RNF180: variants seen among roughly 807,000 people sequenced by gnomAD.
RNF180 encodes ring finger protein 180, also known as E3 ubiquitin-protein ligase RNF180.
RNF180 carries 38 observed loss-of-function variants against 59.2 expected under a neutral mutation model. That is an observed-to-expected ratio of 0.64 (90% CI 0.50 to 0.84). RNF180 has a LOEUF of 0.84. Among genes scored for constraint, RNF180 ranks in the 40% least tolerant of loss-of-function variants. RNF180 has a pLI of 0.00. For synonymous variants in RNF180, 262 were observed against 240.3 expected, an observed-to-expected ratio of 1.09 and a Z score of -0.84; for missense variants, 705 against 700.9, an observed-to-expected ratio of 1.01 and a Z score of -0.07.
intron 1 of RNF180, among the ~76,000 whole-genome samples, chr5:64,185,204 A>G (rs1328868377): frequency 3.9e-5 from 6 of 152,222 alleles, no homozygotes; most frequent in Non-Finnish European, 5.9e-5. Context: ...CTTCACTGCT[A>G]TCACCTTAAT....
intron 7 of RNF180, among the ~76,000 whole-genome samples, chr5:64,346,629 C>T (rs1365789549): frequency 6.6e-6 from 1 of 152,034 alleles, no homozygotes; most frequent in Non-Finnish European, 1.5e-5. Context: ...CTCGGCCTCC[C>T]AAAGTGCTGG....
At chr5:64,347,761 T>C (rs945009213) in intron 7 of RNF180, among the ~76,000 whole-genome samples, 2 of 152,146 alleles carry the variant, frequency 1.3e-5, no homozygotes, top group Non-Finnish European at 2.9e-5. Context: ...AGTTTAGAAG[T>C]TGAAATCTTT....
intron 5 of RNF180, among the ~76,000 whole-genome samples, chr5:64,313,485 T>G (rs990314962): frequency 1.3e-5 from 2 of 152,158 alleles, no homozygotes; most frequent in Non-Finnish European, 2.9e-5. Flanking sequence ...AAGGACATGA[T>G]CTCATTCTTT....
At chr5:64,217,294 A>C in intron 4 of RNF180, 67 bp from the exon 5 acceptor site, 1 of 1,318,340 alleles carries the variant, frequency 7.6e-7, no homozygotes, top group East Asian at 2.8e-5. Context: ...TTTGCAAATT[A>C]TGAATAGAAC....
At chr5:64,264,473 A>G (rs1369566315) in intron 5 of RNF180, among the ~76,000 whole-genome samples, 1 of 151,980 alleles carries the variant, frequency 6.6e-6, no homozygotes, top group Admixed American at 6.6e-5. Context: ...GAGTGAGAAC[A>G]TGCAGTGTTT....
At chr5:64,349,987 C>T (rs987011965) in intron 7 of RNF180, among the ~76,000 whole-genome samples, 8 of 152,146 alleles carry the variant, frequency 5.3e-5, no homozygotes, top group Non-Finnish European at 1.5e-5. Flanking sequence ...TGAGGAATCA[C>T]CACATTGTCT....
intron 5 of RNF180, among the ~76,000 whole-genome samples, chr5:64,287,966 A>T (rs1166369920): frequency 3.3e-5 from 5 of 152,154 alleles, no homozygotes; most frequent in Non-Finnish European, 7.4e-5. Flanking sequence ...TTCATCATGA[A>T]ATCTTTACCC....
chr5:64,346,712 A>T (rs555617378), intron 7 of RNF180, among the ~76,000 whole-genome samples: 1 of 152,010 alleles, frequency 6.6e-6, no homozygotes, highest in Non-Finnish European at 1.5e-5. Context: ...CTAAGTCCCA[A>T]TGCCCAGGCC....
chr5:64,251,540 A>T (rs1389793019), intron 5 of RNF180, among the ~76,000 whole-genome samples: 1 of 152,174 alleles, frequency 6.6e-6, no homozygotes, highest in African/African-American at 2.4e-5. Context: ...CTCCTGCCTC[A>T]GCCTTCTGAG....
intron 1 of RNF180, among the ~76,000 whole-genome samples, chr5:64,187,555 C>G (rs1473478807): frequency 6.6e-6 from 1 of 152,106 alleles, no homozygotes; most frequent in South Asian, 2.1e-4. Flanking sequence ...TCGTGTTGGA[C>G]AGTTTAAGTT....
intron 1 of RNF180, among the ~76,000 whole-genome samples, chr5:64,193,645 T>C (rs1751297278): frequency 6.6e-6 from 1 of 152,210 alleles, no homozygotes; most frequent in Non-Finnish European, 1.5e-5. Context: ...CAAGGGCTGG[T>C]ACTGTTTATC....
At chr5:64,208,800 G>A (rs1752158759) in intron 2 of RNF180, among the ~76,000 whole-genome samples, 1 of 151,592 alleles carries the variant, frequency 6.6e-6, no homozygotes, top group Non-Finnish European at 1.5e-5. Context: ...AGGAGATGAA[G>A]GTATACTTTA....
At chr5:64,254,789 C>A (rs188697169) in intron 5 of RNF180, among the ~76,000 whole-genome samples, 92 of 152,278 alleles carry the variant, frequency 6.0e-4, no homozygotes, top group African/African-American at 2.2e-3. Flanking sequence ...GTGCAGGAGA[C>A]TTTCATTCCT....
rs571297983 is a variant in RNF180, at chr5:64,339,894, T to C, written c.1579+9488T>C. Among the ~76,000 whole-genome samples the C allele has an allele frequency of 2.0e-5, 3 of 152,280 alleles. No homozygotes were observed. The South Asian group carries it at 6.2e-4, about 32-fold the overall frequency. ...TTCTTACAAATACATATTTCATGTA[T>C]TAACACATAAAATGGGTAATAAGAA... On this transcript the variant is annotated intron_variant, in intron 7 of 7. Transcript: ENST00000389100.
In RNF180 at chr5:64,372,583, A is replaced by G. The variant is rs1746691063; in HGVS notation, c.*2769A>G. On this transcript the variant is annotated 3_prime_UTR_variant, in exon 8 of 8. Coordinates refer to ENST00000389100, the MANE Select transcript of RNF180 (RefSeq NM_001113561.2). ...GTCTTTTGTATGGCTAAATGAATAT[A>G]CAGATTCTTAAACATCTAATTTTTA... is the stretch of plus-strand genomic sequence containing the variant. The G allele has an allele frequency of 6.6e-6, 1 of 151,958 alleles. No homozygotes were observed. The highest frequency in any genetic ancestry group is 1.5e-5 in the Non-Finnish European group (1 of 67,912). The allele number at this position is 151,958 out of a possible 1,614,324, so 9.4% of individuals were successfully genotyped here. A position where few individuals can be genotyped will look rare whatever the true frequency, so the allele number is the denominator to read the frequency against.
At chr5:64,216,744 A>G (rs1752650978) in intron 4 of RNF180, among the ~76,000 whole-genome samples, 1 of 152,212 alleles carries the variant, frequency 6.6e-6, no homozygotes, top group Non-Finnish European at 1.5e-5. Context: ...AGCAAAAGTT[A>G]ATTGAGCATC....
intron 1 of RNF180, among the ~76,000 whole-genome samples, chr5:64,183,441 C>CTTTTTT (rs367772828): frequency 2.2e-5 from 2 of 89,912 alleles, no homozygotes; most frequent in Non-Finnish European, 2.1e-5. Flanking sequence ...GAAAGTATAC[C>CTTTTTT]TTTTTTTTTT....
intron 5 of RNF180, among the ~76,000 whole-genome samples, chr5:64,227,571 A>G (rs1309110865): frequency 2.6e-5 from 4 of 152,216 alleles, no homozygotes; most frequent in South Asian, 2.1e-4. Flanking sequence ...TGTACTTTCT[A>G]TCTGATCCTT....
At chr5:64,302,405 C>G (rs1743205803) in intron 5 of RNF180, among the ~76,000 whole-genome samples, 1 of 151,456 alleles carries the variant, frequency 6.6e-6, no homozygotes, top group South Asian at 2.1e-4. Context: ...TTTTTAAACT[C>G]TGAATTTTAT....
Sources: allele counts gnomAD v4.1 joint callset (sites outside exome capture counted in the v4.1 genomes callset), GRCh38; gene constraint gnomAD v4.1.1; transcripts MANE v1.5; gene names NCBI Gene and HGNC (gene_info 2026-07-23, HGNC 2026-07-21).